ACTA2: variants seen among roughly 807,000 people sequenced by gnomAD.
ACTA2 encodes actin alpha 2, smooth muscle.
Under a neutral mutation model 39.5 loss-of-function variants are expected in ACTA2, and 12 were observed. The ratio of observed to expected loss-of-function variants is 0.30; its 90% CI spans 0.19 to 0.49. The LOEUF is 0.49. ACTA2 is among the 20% of genes least tolerant of loss of function. The pLI, the probability that ACTA2 is intolerant of heterozygous loss-of-function variation, is 0.99. For missense variants in ACTA2, 236 were observed against 498.8 expected (o/e 0.47, Z 5.02); for synonymous variants, 158 against 180.6 (o/e 0.88, Z 1.00).
rs1311745538 is a variant in ACTA2 at position 88,947,394 on chromosome 10, G to C, written c.130-8C>G. 1 of 1,613,618 alleles carries C rather than the reference G, an allele frequency of 6.2e-7. No homozygotes were observed. The highest frequency in any genetic ancestry group is 1.3e-5 in the African/African-American group (1 of 74,862). Reference sequence around the variant, plus strand: ...CATTCCCACCATCACCCCCTAAAAAGGTTCAACACATTATGAGTCAGCATC... The same window carrying C: ...CATTCCCACCATCACCCCCTAAAAACGTTCAACACATTATGAGTCAGCATC... On this transcript the variant is annotated splice_polypyrimidine_tract_variant and splice_region_variant and intron_variant, in intron 2 of 8. Coordinates refer to ENST00000224784, the MANE Select transcript of ACTA2 (RefSeq NM_001613.4).
chr10:88,951,499 C>CA (rs59375821), intron 1 of ACTA2, among the ~76,000 whole-genome samples: 18,103 of 142,466 alleles, frequency 0.13, 2,438 homozygotes, highest in African/African-American at 0.35. Flanking sequence ...TTTACTTGGC[C>CA]AAAAAAAAAA....
At chr10:88,943,747 A>G in intron 4 of ACTA2, 50 bp downstream of exon 4, 1 of 1,503,116 alleles carries the variant, frequency 6.7e-7, no homozygotes. Flanking sequence ...TCCTTCTAAC[A>G]GAAGTTTCCC....
At chr10:88,980,322 G>A (rs1461067307) in intron 1 of ACTA2, among the ~76,000 whole-genome samples, 1 of 152,160 alleles carries the variant, frequency 6.6e-6, no homozygotes, top group Non-Finnish European at 1.5e-5. Context: ...TTGAAGCTAG[G>A]GGACCTGAGG....
chr10:88,974,861 T>C (rs1235335801), intron 1 of ACTA2: 1 of 152,214 alleles, frequency 6.6e-6, no homozygotes, highest in Non-Finnish European at 1.5e-5. Context: ...GAGATCACTA[T>C]AGTACTATAT....
chr10:88,974,971 A>G (rs1449281464), intron 1 of ACTA2: 1 of 152,162 alleles, frequency 6.6e-6, no homozygotes, highest in Non-Finnish European at 1.5e-5. Context: ...CTCAAAAGGC[A>G]TATTTAAAGT....
intron 1 of ACTA2, among the ~76,000 whole-genome samples, chr10:88,985,845 C>T (rs550018417): frequency 2.2e-4 from 33 of 152,224 alleles, no homozygotes; most frequent in Non-Finnish European, 4.1e-4. Context: ...AGAGAGAAAG[C>T]GCTGCCATGC....
chr10:88,969,700 C>T (rs903956391), intron 1 of ACTA2, among the ~76,000 whole-genome samples: 18 of 152,110 alleles, frequency 1.2e-4, no homozygotes, highest in Admixed American at 4.6e-4. Flanking sequence ...TTTTCATATA[C>T]GTTAATAGCA....
chr10:88,937,740 T>G (rs1261440716), intron 8 of ACTA2, among the ~76,000 whole-genome samples: 1 of 150,494 alleles, frequency 6.6e-6, no homozygotes, highest in Non-Finnish European at 1.5e-5. Context: ...TGATGCACTA[T>G]TTTTGTGTCG....
intron 7 of ACTA2, 133 bp downstream of exon 7, chr10:88,939,374 C>A: frequency 8.2e-7 from 1 of 1,217,204 alleles, no homozygotes; most frequent in South Asian, 1.2e-5. Flanking sequence ...AAATGTGGCA[C>A]TTTCCCTTTT....
rs766063825 is a variant in ACTA2, at chr10:88,990,508, C to G, written c.-24+431G>C. On this transcript the variant is annotated intron_variant, in intron 1 of 4. Transcript: ENST00000415557. The surrounding 1 kb of genome is among the most constrained non-coding windows in gnomAD (Gnocchi z 4.9). ...TTTGTGCAACGAACCCTGACTCCTTCCTCACCCTGACTTCTCCCCCTCCCT... is the reference window on the plus strand; with the variant it reads ...TTTGTGCAACGAACCCTGACTCCTTGCTCACCCTGACTTCTCCCCCTCCCT... The G allele has an allele frequency of 3.6e-5, 21 of 588,910 alleles. No homozygotes were observed. The African/African-American group carries it at 3.8e-4, about 11-fold the overall frequency. 36.5% of individuals were successfully genotyped at this position (588,910 alleles called of 1,614,324 possible).
intron 1 of ACTA2, among the ~76,000 whole-genome samples, chr10:88,972,284 T>C (rs1001507145): frequency 6.6e-6 from 1 of 151,860 alleles, no homozygotes; most frequent in Non-Finnish European, 1.5e-5. Flanking sequence ...GGGAGAGGAG[T>C]GTAAATTCAG....
chr10:88,965,846 C>T lies in ACTA2; in HGVS notation c.-23-16893G>A, dbSNP rs553047200. On this transcript the variant is annotated intron_variant, in intron 1 of 4. Transcript: ENST00000415557. ...TTGCTTTTAACTAATTATTGATCAC[C>T]GTAATGACTAACTTTTGAGAGAGCC... Among the ~76,000 whole-genome samples, 10 of 152,170 alleles carry T rather than the reference C, an allele frequency of 6.6e-5. No homozygotes were observed. The East Asian group carries it at 7.7e-4, about 12-fold the overall frequency.
At chr10:88,937,212 G>C (rs190332421) in intron 8 of ACTA2, among the ~76,000 whole-genome samples, 1 of 152,262 alleles carries the variant, frequency 6.6e-6, no homozygotes, top group Admixed American at 6.5e-5. Context: ...TTTCAGTCTA[G>C]CACACTCTCT....
upstream of ACTA2, among the ~76,000 whole-genome samples, chr10:88,954,546 C>T (rs73364893): frequency 8.5e-5 from 13 of 152,208 alleles, no homozygotes; most frequent in East Asian, 1.4e-3. Context: ...TTTTGACTCA[C>T]GCAGTGTCTG....
At position 88,943,959 on chromosome 10, in the gene ACTA2, C is replaced by A. The variant is rs765281839; in HGVS notation, c.259-52G>T. ...ACACAATGATGTGCTGTCATGAGGT[C>A]CTGCATTTCCCAAAAAGGGACCAGA... is the stretch of plus-strand genomic sequence containing the variant. On this transcript the variant is annotated intron_variant, in intron 3 of 8. Coordinates refer to ENST00000224784, the MANE Select transcript of ACTA2 (RefSeq NM_001613.4). 9 of 1,534,606 alleles carry A rather than the reference C, an allele frequency of 5.9e-6. No individual in the cohort carries two copies. The African/African-American group carries it at 1.2e-4, about 21-fold the overall frequency.
At chr10:88,942,806 T>C (rs1014665940) in intron 4 of ACTA2, among the ~76,000 whole-genome samples, 7 of 152,142 alleles carry the variant, frequency 4.6e-5, no homozygotes, top group African/African-American at 1.7e-4. Flanking sequence ...CAACATCTCT[T>C]GCGACGTGCA....
chr10:88,988,798 T>C (rs1239942797), intron 1 of ACTA2, among the ~76,000 whole-genome samples: 1 of 152,192 alleles, frequency 6.6e-6, no homozygotes, highest in African/African-American at 2.4e-5. Context: ...GAACAGTATA[T>C]ATAATTACCC....
At chr10:88,941,688 C>T in intron 5 of ACTA2, 97 bp downstream of exon 5, 1 of 1,156,594 alleles carries the variant, frequency 8.6e-7, no homozygotes. Flanking sequence ...TCCATTCTAA[C>T]TCAACTCCAG....
At chr10:88,982,410 G>A (rs1361078144) in intron 1 of ACTA2, among the ~76,000 whole-genome samples, 1 of 152,090 alleles carries the variant, frequency 6.6e-6, no homozygotes, top group Non-Finnish European at 1.5e-5. Flanking sequence ...ATCTCACCGA[G>A]CTTAAATGTG....
Sources: gnomAD v4.1 joint callset for allele counts (sites outside exome capture counted in the v4.1 genomes callset) on GRCh38, gnomAD v4.1.1 for gene constraint, Gnocchi (gnomAD v3.1) non-coding constraint, MANE v1.5 for transcripts, NCBI Gene and HGNC (gene_info 2026-07-23, HGNC 2026-07-21) for gene names.